The following CEP112 variants were observed in gnomAD, a reference collection of about 807,000 sequenced individuals.
CEP112 encodes centrosomal protein 112.
CEP112 carries 127 observed loss-of-function variants against 153.0 expected under a neutral mutation model. The ratio of observed to expected loss-of-function variants is 0.83; its 90% CI spans 0.72 to 0.96. The LOEUF (loss-of-function observed/expected upper bound fraction) is 0.96. CEP112 is among the 40% of genes least tolerant of loss of function. The pLI is 0.00. For synonymous variants in CEP112, 358 were observed against 374.4 expected, an observed-to-expected ratio of 0.96 and a Z score of 0.51; for missense variants, 1,089 against 1,101.2, an observed-to-expected ratio of 0.99 and a Z score of 0.16.
intron 20 of CEP112, among the ~76,000 whole-genome samples, chr17:65,856,487 C>CT (rs1438956290): frequency 6.6e-6 from 1 of 152,080 alleles, no homozygotes; most frequent in Non-Finnish European, 1.5e-5. Flanking sequence ...ATTTATTGTA[C>CT]TTTATTAATT....
intron 17 of CEP112, among the ~76,000 whole-genome samples, chr17:65,998,255 T>C (rs2063865416): frequency 6.6e-6 from 1 of 151,702 alleles, no homozygotes; most frequent in Non-Finnish European, 1.5e-5. Context: ...TGGTGGCACA[T>C]GCCTGTGGTC....
chr17:65,777,774 T>C (rs1037421186), intron 21 of CEP112, among the ~76,000 whole-genome samples: 1 of 152,184 alleles, frequency 6.6e-6, no homozygotes, highest in Non-Finnish European at 1.5e-5. Context: ...ATATATCCTA[T>C]ATTTTTTTCT....
At chr17:66,063,145 A>G in intron 10 of CEP112, 64 bp from the exon 11 acceptor site, 1 of 661,454 alleles carries the variant, frequency 1.5e-6, no homozygotes, top group East Asian at 3.0e-5. Context: ...ATGATATAAA[A>G]TTTAGTGCAC....
intron 23 of CEP112, among the ~76,000 whole-genome samples, chr17:65,734,893 T>C (rs1185346593): frequency 6.6e-6 from 1 of 152,236 alleles, no homozygotes; most frequent in Non-Finnish European, 1.5e-5. Context: ...TTTCATACTA[T>C]TACACTAACA....
At chr17:66,087,368 A>G (rs1245033157) in intron 8 of CEP112, among the ~76,000 whole-genome samples, 2 of 152,218 alleles carry the variant, frequency 1.3e-5, no homozygotes, top group Non-Finnish European at 2.9e-5. Flanking sequence ...AACAGTAAGA[A>G]TTAATACAAA....
At chr17:66,030,534 AAC>A (rs2065420239) in intron 12 of CEP112, among the ~76,000 whole-genome samples, 1 of 152,196 alleles carries the variant, frequency 6.6e-6, no homozygotes, top group African/African-American at 2.4e-5. Context: ...AGTGTATAGG[AAC>A]ATTTAATTAG....
chr17:65,958,335 T>G (rs967378321), intron 18 of CEP112, among the ~76,000 whole-genome samples: 1 of 152,258 alleles, frequency 6.6e-6, no homozygotes, highest in African/African-American at 2.4e-5. Context: ...TTTTTTTTAC[T>G]GCATGCATAT....
At chr17:65,899,640 A>G (rs1020931568) in intron 20 of CEP112, among the ~76,000 whole-genome samples, 5 of 152,146 alleles carry the variant, frequency 3.3e-5, no homozygotes, top group African/African-American at 1.2e-4. Context: ...ATTTGGAAGA[A>G]GTCAAAAATA....
intron 21 of CEP112, among the ~76,000 whole-genome samples, chr17:65,846,934 C>T (rs892501436): frequency 6.6e-6 from 1 of 152,106 alleles, no homozygotes; most frequent in Non-Finnish European, 1.5e-5. Context: ...TCAGGGAATT[C>T]GGAGTCCAGG....
chr17:65,932,959 C>T (rs755595136), intron 18 of CEP112, among the ~76,000 whole-genome samples: 6 of 152,018 alleles, frequency 3.9e-5, no homozygotes, highest in Non-Finnish European at 8.8e-5. Flanking sequence ...AAACAATATG[C>T]AGACAAAAGA....
intron 4 of CEP112, among the ~76,000 whole-genome samples, chr17:66,137,860 T>C (rs768812696): frequency 6.6e-6 from 1 of 152,100 alleles, no homozygotes; most frequent in African/African-American, 2.4e-5. Flanking sequence ...GTTAGTAGCA[T>C]GAAAACACAT....
At chr17:66,031,491 T>TG (rs779277653) in intron 12 of CEP112, among the ~76,000 whole-genome samples, 1,333 of 80,894 alleles carry the variant, frequency 0.016, 31 homozygotes, top group African/African-American at 0.045. Context: ...TTTTTGTTTT[T>TG]TTTTTTTTTT....
chr17:66,052,995 T>C (rs10853073), intron 12 of CEP112, among the ~76,000 whole-genome samples: 62,264 of 151,336 alleles, frequency 0.41, 14,239 homozygotes, highest in East Asian at 0.87. Context: ...TAGTACCAGC[T>C]ACTTGGGAGG....
At chr17:65,966,183 C>T (rs879114169) in intron 17 of CEP112, among the ~76,000 whole-genome samples, 2 of 152,076 alleles carry the variant, frequency 1.3e-5, no homozygotes, top group African/African-American at 4.8e-5. Context: ...AGTAAATTTT[C>T]CTCATCTGAG....
At chr17:65,724,458 A>G (rs2050063235) in intron 23 of CEP112, among the ~76,000 whole-genome samples, 1 of 152,242 alleles carries the variant, frequency 6.6e-6, no homozygotes, top group African/African-American at 2.4e-5. Context: ...TGCGCTAGAA[A>G]TGTCTTTAAA....
At chr17:66,067,731 A>G (rs1373547016) in intron 9 of CEP112, among the ~76,000 whole-genome samples, 2 of 152,218 alleles carry the variant, frequency 1.3e-5, no homozygotes, top group African/African-American at 4.8e-5. Context: ...TTGTATAATA[A>G]TTTTTAAGGA....
At chr17:65,899,166 A>G (rs2059761487) in intron 20 of CEP112, among the ~76,000 whole-genome samples, 2 of 152,200 alleles carry the variant, frequency 1.3e-5, no homozygotes, top group Admixed American at 6.5e-5. Context: ...TTTCAATAAG[A>G]GAGACCTGGT....
intron 21 of CEP112, among the ~76,000 whole-genome samples, chr17:65,774,380 T>C (rs7215462): frequency 0.48 from 72,943 of 151,932 alleles, 19,212 homozygotes; most frequent in East Asian, 0.78. Context: ...CAGAAGGAGC[T>C]GGTGTTCACA....
intron 12 of CEP112, among the ~76,000 whole-genome samples, chr17:66,032,671 A>AT (rs2065540838): frequency 6.6e-6 from 1 of 152,180 alleles, no homozygotes; most frequent in Non-Finnish European, 1.5e-5. Context: ...AGCCTTTATT[A>AT]TTTTTTGTGC....
Sources: gnomAD v4.1 joint callset for allele counts (sites outside exome capture counted in the v4.1 genomes callset) on GRCh38, gnomAD v4.1.1 for gene constraint, MANE v1.5 for transcripts, NCBI Gene and HGNC (gene_info 2026-07-23, HGNC 2026-07-21) for gene names.